Variants in CACNA2D4 observed in about 807,000 individuals in gnomAD.
CACNA2D4 encodes the protein calcium voltage-gated channel auxiliary subunit alpha2delta 4.
In CACNA2D4, 157 loss-of-function variants were observed where a neutral mutation model predicts 163.8. That is an observed-to-expected ratio of 0.96 (90% CI 0.84 to 1.09). The LOEUF (loss-of-function observed/expected upper bound fraction) is 1.09. Ranked by LOEUF, CACNA2D4 falls within the 50% of genes least tolerant of loss-of-function variation. The pLI, the probability that CACNA2D4 is intolerant of heterozygous loss-of-function variation, is 0.00. For missense variants in CACNA2D4, 1,410 were observed against 1,479.9 expected (o/e 0.95, Z 0.78); for synonymous variants, 598 against 586.9 (o/e 1.02, Z -0.27).
In CACNA2D4 at chr12:1,918,242, C is replaced by T; in HGVS notation, c.227+5G>A. The T allele has an allele frequency of 6.3e-7, 1 of 1,596,716 alleles. No individual in the cohort carries two copies. Among genetic ancestry groups the T allele is most frequent in the South Asian group, 1.1e-5 (1 of 88,896 alleles). ...TTTTGGGGTGGGGTTGAACGTGATG[C>T]TTACGTTTCCAGAGGAATCTTGGCC... On this transcript the variant is annotated splice_donor_5th_base_variant and intron_variant, in intron 1 of 37. Transcript: ENST00000382722.
At chr12:1,801,443 C>T in intron 30 of CACNA2D4, 131 bp downstream of exon 30, 1 of 792,332 alleles carries the variant, frequency 1.3e-6, no homozygotes, top group Admixed American at 2.0e-5. Context: ...ATAAAGGTTG[C>T]TTTTGCAGCT....
In CACNA2D4 at chr12:1,834,767, C is replaced by A. The variant is rs145529491; in HGVS notation, c.2551+5972G>T. On this transcript the variant is annotated intron_variant, in intron 26 of 37. Transcript: ENST00000382722. The surrounding 1 kb of genome is among the most constrained non-coding windows in gnomAD (Gnocchi z 7.6). Reference sequence around the variant, plus strand: ...AGGTAGGAAGGGCGGGGAGAGCACACGGCATTGCTCAGCCACAGCTCCCAC... The same window carrying A: ...AGGTAGGAAGGGCGGGGAGAGCACAAGGCATTGCTCAGCCACAGCTCCCAC... The A allele has an allele frequency of 2.3e-5, 35 of 1,530,336 alleles. No individual in the cohort carries two copies. Among genetic ancestry groups the A allele is most frequent in the Non-Finnish European group, 3.1e-5 (35 of 1,142,102 alleles). 94.8% of individuals were successfully genotyped at this position (1,530,336 alleles called of 1,614,324 possible).
At chr12:1,848,905 T>C (rs1865214281) in intron 23 of CACNA2D4, among the ~76,000 whole-genome samples, 1 of 152,148 alleles carries the variant, frequency 6.6e-6, no homozygotes, top group South Asian at 2.1e-4. Context: ...CACAGCCAGC[T>C]CCTGCTGTGA....
chr12:1,879,992 C>A (rs147434778), intron 13 of CACNA2D4, 111 bp from the exon 14 acceptor site: 126 of 632,886 alleles, frequency 2.0e-4, no homozygotes, highest in African/African-American at 1.9e-3. Flanking sequence ...AATTATCCAG[C>A]GTCACCTTCC....
At chr12:1,795,936 T>C in intron 35 of CACNA2D4, 156 bp from the exon 36 acceptor site, 2 of 632,982 alleles carry the variant, frequency 3.2e-6, no homozygotes, top group Admixed American at 2.6e-5. Context: ...GGAACGGGCC[T>C]GGCAGATGGC....
At chr12:1,914,775 C>T in intron 2 of CACNA2D4, 79 bp downstream of exon 2, 1 of 944,440 alleles carries the variant, frequency 1.1e-6, no homozygotes, top group Non-Finnish European at 1.7e-6. Flanking sequence ...CAAGGCCCCT[C>T]ACAGCACCGG....
intron 1 of CACNA2D4, chr12:1,915,224 C>T: frequency 1.4e-6 from 1 of 702,646 alleles, no homozygotes; most frequent in South Asian, 1.5e-5. Flanking sequence ...AAAGCTACAG[C>T]CATGGCCTGG....
intron 26 of CACNA2D4, chr12:1,827,862 C>A: frequency 2.7e-6 from 1 of 374,164 alleles, no homozygotes; most frequent in East Asian, 3.9e-5. Context: ...GTGCCCGACC[C>A]TCGGGCTCCT....
At chr12:1,825,837 C>T (rs532775113) in intron 26 of CACNA2D4, among the ~76,000 whole-genome samples, 51 of 113,888 alleles carry the variant, frequency 4.5e-4, no homozygotes, top group African/African-American at 1.3e-3. Flanking sequence ...ACCTGCAATC[C>T]AGTCCCGGAC....
chr12:1,884,838 A>C lies in CACNA2D4; in HGVS notation c.1202T>G (p.Met401Arg). Residue 401 changes from methionine to arginine, a missense_variant, in exon 11 of 38, where the codon ATG (methionine) becomes AGG (arginine). Coordinates refer to ENST00000382722, the MANE Select transcript of CACNA2D4 (RefSeq NM_172364.5). ...KQGSLCNQAI[M>R]LISDGAVEDY... ...CTCCACGGCGCCGTCGCTGATGAGC[A>C]TGATGGCCTGGTTGCAGAGGCTTCC... The C allele has an allele frequency of 6.2e-7, 1 of 1,613,948 alleles. No individual in the cohort carries two copies. The highest frequency in any genetic ancestry group is 1.1e-5 in the South Asian group (1 of 91,068).
chr12:1,903,605 G>T lies in CACNA2D4; in HGVS notation c.781+3835C>A, dbSNP rs190112338. Reference sequence around the variant, plus strand: ...AAAGAAGAAAGACAAATGGCAAACAGGTATATAAAAAGATGCTCAACATCA... The same window carrying T: ...AAAGAAGAAAGACAAATGGCAAACATGTATATAAAAAGATGCTCAACATCA... On this transcript the variant is annotated intron_variant, in intron 6 of 37. Coordinates refer to ENST00000382722, the MANE Select transcript of CACNA2D4 (RefSeq NM_172364.5). 5.3e-5 allele frequency among the ~76,000 whole-genome samples: 8 copies of T among 151,780 alleles called. 1 individual carries two copies. Among genetic ancestry groups the T allele is most frequent in the Middle Eastern group, 3.4e-3 (1 of 292 alleles).
In CACNA2D4 at chr12:1,799,844, TGTG is replaced by T. The variant is rs2154445221; in HGVS notation, c.2975-152_2975-150del. On this transcript the variant is annotated intron_variant, in intron 33 of 37. Coordinates refer to ENST00000382722, the MANE Select transcript of CACNA2D4 (RefSeq NM_172364.5). The surrounding 1 kb of genome is among the most constrained non-coding windows in gnomAD (Gnocchi z 4.7). ...CACACACAGAGCCAGGAGTGAGGGA[TGTG>T]ATGAGAGAAGGCCACGCAGGGTGAG... is the stretch of plus-strand genomic sequence containing the variant. The T allele has an allele frequency of 7.8e-7, 1 of 1,284,568 alleles. No individual in the cohort carries two copies. Among genetic ancestry groups the T allele is most frequent in the South Asian group, 1.3e-5 (1 of 78,484 alleles). The allele number at this position is 1,284,568 out of a possible 1,614,324, so 79.6% of individuals were successfully genotyped here.
intron 27 of CACNA2D4, among the ~76,000 whole-genome samples, chr12:1,811,182 C>T (rs1863695282): frequency 6.6e-6 from 1 of 152,134 alleles, no homozygotes; most frequent in Admixed American, 6.5e-5. Flanking sequence ...GCTGAGGGAG[C>T]TTGAGGGAGA....
At chr12:1,909,204 T>G (rs1376906443) in intron 4 of CACNA2D4, among the ~76,000 whole-genome samples, 1 of 152,034 alleles carries the variant, frequency 6.6e-6, no homozygotes, top group African/African-American at 2.4e-5. Flanking sequence ...ATTTATTTAT[T>G]TATTTGAGAC....
At chr12:1,868,486 CGTT>C (rs1473967676) in intron 18 of CACNA2D4, among the ~76,000 whole-genome samples, 1 of 150,748 alleles carries the variant, frequency 6.6e-6, no homozygotes, top group Non-Finnish European at 1.5e-5. Flanking sequence ...AATGAGAAAA[CGTT>C]GGTCAAAAGG....
At chr12:1,830,900 T>C (rs771923957) in intron 26 of CACNA2D4, 3 of 1,542,854 alleles carry the variant, frequency 1.9e-6, no homozygotes, top group Non-Finnish European at 1.8e-6. Flanking sequence ...ACCCGTCCTA[T>C]TGCTTTCTTT....
intron 6 of CACNA2D4, among the ~76,000 whole-genome samples, chr12:1,897,717 T>G (rs76292059): frequency 6.6e-6 from 1 of 152,150 alleles, no homozygotes; most frequent in Non-Finnish European, 1.5e-5. Flanking sequence ...ATCAGGTAAA[T>G]ACTAAGCATG....
In CACNA2D4 at chr12:1,828,147, C is replaced by A; in HGVS notation, c.2551+12592G>T. On this transcript the variant is annotated intron_variant, in intron 26 of 37. Coordinates refer to ENST00000382722, the MANE Select transcript of CACNA2D4 (RefSeq NM_172364.5). This position sits in a 1 kb window ranked among gnomAD's most constrained non-coding sequence, Gnocchi z 4.2. The stretch of plus-strand genomic sequence containing the variant: ...AGGGCCCGGAGAGCCGTGGGCCTCA[C>A]CATGCTGGCGCCGGGCAGCAGCCCT... The A allele has an allele frequency of 6.5e-7, 1 of 1,540,628 alleles. No homozygotes were observed. The highest frequency in any genetic ancestry group is 8.8e-7 in the Non-Finnish European group (1 of 1,142,168).
chr12:1,816,466 C>T (rs1046443086), intron 26 of CACNA2D4, among the ~76,000 whole-genome samples: 5 of 152,138 alleles, frequency 3.3e-5, no homozygotes, highest in African/African-American at 2.4e-5. Context: ...CCTGCCCCAG[C>T]TGACCTGGGT....
Sources: allele counts gnomAD v4.1 joint callset (sites outside exome capture counted in the v4.1 genomes callset), GRCh38; gene constraint gnomAD v4.1.1; non-coding constraint Gnocchi (gnomAD v3.1); transcripts MANE v1.5; gene names NCBI Gene and HGNC (gene_info 2026-07-23, HGNC 2026-07-21).